GCNT2: variants seen among roughly 807,000 people sequenced by gnomAD.
GCNT2 encodes N-acetyllactosaminide beta-1,6-N-acetylglucosaminyl-transferase.
Under a neutral mutation model 34.2 loss-of-function variants are expected in GCNT2, and 34 were observed. The observed-to-expected ratio is 1.00, with a 90% confidence interval of 0.76 to 1.32. The LOEUF is 1.32. Ranked by LOEUF, GCNT2 falls within the 40% of genes most tolerant of loss-of-function variation. The probability of loss-of-function intolerance (pLI) is 0.00; values close to 1 mark genes in which losing one functional copy is unlikely to be tolerated. For synonymous variants in GCNT2, 212 were observed against 188.0 expected (o/e 1.13, Z -1.04); for missense variants, 584 against 489.4 (o/e 1.19, Z -1.82).
intron 3 of GCNT2, among the ~76,000 whole-genome samples, chr6:10,538,581 T>C (rs768857760): frequency 6.6e-6 from 1 of 151,692 alleles, no homozygotes; most frequent in Non-Finnish European, 1.5e-5. Context: ...ACAGGCTTAG[T>C]TGCTGAAAGT....
At chr6:10,615,639 A>G (rs1765726506) in intron 3 of GCNT2, among the ~76,000 whole-genome samples, 1 of 152,208 alleles carries the variant, frequency 6.6e-6, no homozygotes, top group Admixed American at 6.5e-5. Flanking sequence ...ATTCAGGGTG[A>G]GTCTTCAGTG....
rs1163969658 is a variant in GCNT2, at chr6:10,536,082, G to A, written c.925+6246G>A. 2.6e-5 allele frequency among the ~76,000 whole-genome samples: 4 copies of A among 152,216 alleles called. No individual in the cohort carries two copies. In the South Asian group the frequency reaches 6.2e-4, roughly 24 times the overall value. Reference sequence around the variant, plus strand: ...ATGCAATGCTGAGGTTCCAGGTGCCGAGACCTTGAGAGATGCAAATTTGGG... The same window carrying A: ...ATGCAATGCTGAGGTTCCAGGTGCCAAGACCTTGAGAGATGCAAATTTGGG... On this transcript the variant is annotated intron_variant, in intron 3 of 4. Transcript: ENST00000495262.
intron 3 of GCNT2, among the ~76,000 whole-genome samples, chr6:10,552,922 G>A (rs144026731): frequency 1.0e-3 from 156 of 152,292 alleles, no homozygotes; most frequent in Non-Finnish European, 1.8e-3. Flanking sequence ...CTCAGAATGG[G>A]TACAGTTTCA....
chr6:10,587,965 C>T (rs959718931), intron 3 of GCNT2, among the ~76,000 whole-genome samples: 1 of 152,166 alleles, frequency 6.6e-6, no homozygotes, highest in Admixed American at 6.5e-5. Flanking sequence ...TGAAATAACT[C>T]CCAGCTCTTA....
In GCNT2 at chr6:10,529,367, G is replaced by T. The variant is rs1426626285; in HGVS notation, c.456G>T (p.Leu152=). Residue 152 remains leucine (L), a synonymous_variant, in exon 3 of 5, where the codon CTG becomes CTT. Transcript: ENST00000495262. Reference sequence around the variant, plus strand: ...TCAGCTGCTTCCCAAATGCTTTTCTGGCTTCCAAGAAGGAGTCGGTTGTCT... The same window carrying T: ...TCAGCTGCTTCCCAAATGCTTTTCTTGCTTCCAAGAAGGAGTCGGTTGTCT... The part of the protein sequence containing the change: ...QLLSCFPNAF[L]ASKKESVVYG... 6.2e-7 allele frequency: 1 copy of T among 1,614,086 alleles called. No individual in the cohort carries two copies. Among genetic ancestry groups the T allele is most frequent in the South Asian group, 1.1e-5 (1 of 91,078 alleles).
At chr6:10,552,734 T>C (rs538328433) in intron 3 of GCNT2, among the ~76,000 whole-genome samples, 15 of 152,322 alleles carry the variant, frequency 9.8e-5, no homozygotes, top group Admixed American at 9.2e-4. Context: ...CTTAATACGC[T>C]GTCCAAAATG....
chr6:10,533,285 G>A (rs559490851), intron 3 of GCNT2, among the ~76,000 whole-genome samples: 4 of 151,842 alleles, frequency 2.6e-5, no homozygotes, highest in African/African-American at 4.8e-5. Flanking sequence ...GCGTCTGGGC[G>A]ACAGAGTGAG....
intron 3 of GCNT2, among the ~76,000 whole-genome samples, chr6:10,535,838 T>G (rs1581371136): frequency 6.6e-6 from 1 of 152,240 alleles, no homozygotes; most frequent in African/African-American, 2.4e-5. Context: ...GGTGGGTGAT[T>G]GAGGGCCCGA....
intron 3 of GCNT2, among the ~76,000 whole-genome samples, chr6:10,575,493 C>G (rs1490575754): frequency 6.6e-6 from 1 of 152,010 alleles, no homozygotes; most frequent in Admixed American, 6.6e-5. Context: ...TCCCAAGTAG[C>G]TAGGATTACA....
intron 3 of GCNT2, among the ~76,000 whole-genome samples, chr6:10,576,042 C>T (rs1763794156): frequency 6.6e-6 from 1 of 152,154 alleles, no homozygotes; most frequent in Non-Finnish European, 1.5e-5. Flanking sequence ...TCTCTTCACA[C>T]GGACGTGCAT....
At chr6:10,597,028 T>C (rs1204898793) in intron 3 of GCNT2, among the ~76,000 whole-genome samples, 1 of 152,164 alleles carries the variant, frequency 6.6e-6, no homozygotes, top group Admixed American at 6.5e-5. Context: ...TAGGCCTCAC[T>C]ACTTAACAGC....
At chr6:10,592,799 T>TC (rs1162971012) in intron 3 of GCNT2, among the ~76,000 whole-genome samples, 1 of 152,114 alleles carries the variant, frequency 6.6e-6, no homozygotes, top group Non-Finnish European at 1.5e-5. Context: ...TGGAGTGCAG[T>TC]GGTGTGGTCT....
intron 3 of GCNT2, among the ~76,000 whole-genome samples, chr6:10,549,657 C>T (rs1389457294): frequency 1.3e-5 from 2 of 149,572 alleles, no homozygotes; most frequent in African/African-American, 2.5e-5. Context: ...CTGCAACATC[C>T]GCCTCTCAGG....
At chr6:10,586,265 G>A in intron 3 of GCNT2, 1 of 1,614,162 alleles carries the variant, frequency 6.2e-7, no homozygotes, top group Middle Eastern at 1.6e-4. Flanking sequence ...CGGAAGAAGA[G>A]GCTGCATTCC....
chr6:10,550,823 C>G (rs1322685708), intron 3 of GCNT2, among the ~76,000 whole-genome samples: 1 of 152,212 alleles, frequency 6.6e-6, no homozygotes, highest in Non-Finnish European at 1.5e-5. Context: ...CTACTGAACT[C>G]TTAGGGCAGG....
chr6:10,626,555 A>C lies in GCNT2; in HGVS notation c.1157A>C (p.Glu386Ala). The change falls in exon 5 of 5, where the codon GAA (glutamate) becomes GCA (alanine). Residue 386 changes from glutamate to alanine, a missense_variant. Coordinates refer to ENST00000495262, the MANE Select transcript of GCNT2 (RefSeq NM_145649.5). ...TVECLELRHR[E>A]RTLNQSETAI... Reference sequence around the variant, plus strand: ...GAATGCCTAGAACTGAGGCATCGCGAAAGAACCCTCAATCAGAGTGAAACT... The same window carrying C: ...GAATGCCTAGAACTGAGGCATCGCGCAAGAACCCTCAATCAGAGTGAAACT... The C allele has an allele frequency of 6.2e-7, 1 of 1,614,042 alleles. No homozygotes were observed. The highest frequency in any genetic ancestry group is 8.5e-7 in the Non-Finnish European group (1 of 1,179,882).
chr6:10,621,757 T>G (rs767170060), intron 4 of GCNT2: 25 of 365,372 alleles, frequency 6.8e-5, no homozygotes, highest in Non-Finnish European at 1.2e-4. Flanking sequence ...TCATTCAAGC[T>G]GGAGTGCAGT....
At chr6:10,593,230 T>C (rs36081241) in intron 3 of GCNT2, among the ~76,000 whole-genome samples, 86,449 of 152,034 alleles carry the variant, frequency 0.57, 24,623 homozygotes, top group Middle Eastern at 0.67. Flanking sequence ...GGATGAGCAT[T>C]CTTTCTACTG....
At chr6:10,622,793 C>CCAGG (rs1766097158) in intron 4 of GCNT2, among the ~76,000 whole-genome samples, 1 of 134,846 alleles carries the variant, frequency 7.4e-6, no homozygotes, top group African/African-American at 2.9e-5. Flanking sequence ...CGCTCTATCA[C>CCAGG]CAGGCTGGAG....
Sources: allele counts gnomAD v4.1 joint callset (sites outside exome capture counted in the v4.1 genomes callset), GRCh38; gene constraint gnomAD v4.1.1; transcripts MANE v1.5; gene names NCBI Gene and HGNC (gene_info 2026-07-23, HGNC 2026-07-21).